Variants in GPR158 observed in about 807,000 individuals in gnomAD.
The protein encoded by GPR158 is G protein-coupled receptor 158.
GPR158 carries 30 observed loss-of-function variants against 78.2 expected under a neutral mutation model. That is an observed-to-expected ratio of 0.38 (90% CI 0.29 to 0.52). GPR158 has a LOEUF of 0.52. Among genes scored for constraint, GPR158 ranks in the 20% least tolerant of loss-of-function variants. The pLI is 0.83. For missense variants in GPR158, 1,463 were observed against 1,523.5 expected, an observed-to-expected ratio of 0.96 and a Z score of 0.66; for synonymous variants, 581 against 591.1, an observed-to-expected ratio of 0.98 and a Z score of 0.25.
intron 2 of GPR158, among the ~76,000 whole-genome samples, chr10:25,307,169 G>A (rs535648406): frequency 2.0e-5 from 3 of 152,000 alleles, no homozygotes; most frequent in Non-Finnish European, 4.4e-5. Context: ...GCTTCTTTCA[G>A]GTAGTCTTAT....
intron 2 of GPR158, among the ~76,000 whole-genome samples, chr10:25,381,602 G>A (rs548683124): frequency 5.3e-5 from 8 of 152,294 alleles, no homozygotes; most frequent in African/African-American, 1.9e-4. Context: ...CTTTAAATAG[G>A]AGGGACATGG....
intron 2 of GPR158, among the ~76,000 whole-genome samples, chr10:25,285,609 C>G (rs1854339707): frequency 6.6e-6 from 1 of 152,132 alleles, no homozygotes; most frequent in Non-Finnish European, 1.5e-5. Context: ...TTTGCCCTTC[C>G]TTTGTTTGTT....
intron 1 of GPR158, among the ~76,000 whole-genome samples, chr10:25,193,530 G>A (rs539172038): frequency 1.3e-5 from 2 of 152,198 alleles, no homozygotes; most frequent in Non-Finnish European, 2.9e-5. Flanking sequence ...GGGTAATGTG[G>A]TAGAAGATGA....
intron 5 of GPR158, among the ~76,000 whole-genome samples, chr10:25,535,558 T>C (rs1836487979): frequency 6.6e-6 from 1 of 152,206 alleles, no homozygotes; most frequent in Non-Finnish European, 1.5e-5. Flanking sequence ...AATGGCTTGA[T>C]TACAGATGTG....
At chr10:25,477,045 T>C (rs536026303) in intron 5 of GPR158, among the ~76,000 whole-genome samples, 3 of 152,198 alleles carry the variant, frequency 2.0e-5, no homozygotes, top group Non-Finnish European at 4.4e-5. Context: ...GTAGAACCTA[T>C]GTCAGTTAAG....
At chr10:25,323,394 T>C (rs530207578) in intron 2 of GPR158, among the ~76,000 whole-genome samples, 1 of 152,312 alleles carries the variant, frequency 6.6e-6, no homozygotes, top group Admixed American at 6.5e-5. Context: ...CTTGGAAACT[T>C]TGAAGCTAGG....
intron 7 of GPR158, among the ~76,000 whole-genome samples, chr10:25,575,245 A>T (rs1422270468): frequency 1.3e-5 from 2 of 152,320 alleles, no homozygotes; most frequent in East Asian, 3.9e-4. Context: ...AAGTTTATTG[A>T]AAAAGTCTTA....
chr10:25,433,364 G>T (rs1456465250), intron 4 of GPR158, among the ~76,000 whole-genome samples: 7 of 152,074 alleles, frequency 4.6e-5, no homozygotes, highest in Non-Finnish European at 1.0e-4. Context: ...CCTCATTCTT[G>T]CTGGATGCCT....
At chr10:25,510,193 T>C (rs778960816) in intron 5 of GPR158, among the ~76,000 whole-genome samples, 4 of 152,190 alleles carry the variant, frequency 2.6e-5, no homozygotes, top group Non-Finnish European at 5.9e-5. Context: ...TTCCACAGAG[T>C]TGGACGCTTG....
intron 1 of GPR158, among the ~76,000 whole-genome samples, chr10:25,199,664 G>A (rs1439143168): frequency 1.0e-5 from 1 of 99,926 alleles, no homozygotes; most frequent in African/African-American, 4.8e-5. Context: ...GTTTAACAGT[G>A]TTTGGCAGTT....
intron 4 of GPR158, among the ~76,000 whole-genome samples, chr10:25,428,736 G>T (rs1166528814): frequency 6.6e-6 from 1 of 151,932 alleles, no homozygotes; most frequent in Non-Finnish European, 1.5e-5. Context: ...CCTTATGGGG[G>T]TAAGAAGACA....
intron 2 of GPR158, among the ~76,000 whole-genome samples, chr10:25,317,872 G>A (rs989576134): frequency 3.3e-5 from 5 of 152,078 alleles, no homozygotes; most frequent in Non-Finnish European, 7.4e-5. Flanking sequence ...GGGATTACAG[G>A]CATGTGCCAC....
At chr10:25,371,374 A>G (rs1309738459) in intron 2 of GPR158, among the ~76,000 whole-genome samples, 1 of 151,630 alleles carries the variant, frequency 6.6e-6, no homozygotes, top group Non-Finnish European at 1.5e-5. Flanking sequence ...GTGGTGACAA[A>G]ATCTAAAGAG....
In GPR158 at chr10:25,596,660, T is replaced by G; in HGVS notation, c.2016T>G (p.Asn672Lys). 2 of 1,613,392 alleles carry G rather than the reference T, an allele frequency of 1.2e-6. No individual in the cohort carries two copies. Among genetic ancestry groups the G allele is most frequent in the East Asian group, 4.5e-5 (2 of 44,858 alleles). Residue 672 changes from asparagine to lysine, a missense_variant, in exon 10 of 11, where the codon AAT becomes AAG. Physicochemically the swap from Asn to Lys is moderately conservative, Grantham distance 94 (BLOSUM62 0). Coordinates refer to ENST00000376351, the MANE Select transcript of GPR158 (RefSeq NM_020752.3). ...TGTTTCAGTTTTCACATTCAAGCAA[T>G]AACCCACGAGATGATATTGCTACAG... ...LLIPKFSHSS[N>K]NPRDDIATEA... is the part of the protein sequence containing the mutation.
intron 5 of GPR158, among the ~76,000 whole-genome samples, chr10:25,525,394 T>C (rs1264423880): frequency 2.0e-5 from 3 of 152,166 alleles, no homozygotes; most frequent in Non-Finnish European, 4.4e-5. Flanking sequence ...CATTAACTGA[T>C]GAATGGATAA....
chr10:25,228,433 TG>T (rs1183223902), intron 2 of GPR158, among the ~76,000 whole-genome samples: 2 of 152,154 alleles, frequency 1.3e-5, no homozygotes, highest in African/African-American at 4.8e-5. Flanking sequence ...ATTGGGTAAG[TG>T]ACTTACAATG....
chr10:25,550,417 G>A (rs58303369), intron 5 of GPR158, among the ~76,000 whole-genome samples: 3,283 of 152,126 alleles, frequency 0.022, 111 homozygotes, highest in African/African-American at 0.075. Flanking sequence ...TGCAGTATAC[G>A]GCAATCTCAG....
intron 2 of GPR158, among the ~76,000 whole-genome samples, chr10:25,243,091 C>T (rs564567301): frequency 3.0e-4 from 45 of 152,354 alleles, no homozygotes; most frequent in South Asian, 1.0e-3. Flanking sequence ...CTTGCCACCA[C>T]GGCCCTTAAG....
At chr10:25,290,256 A>G (rs1041482550) in intron 2 of GPR158, among the ~76,000 whole-genome samples, 4 of 152,220 alleles carry the variant, frequency 2.6e-5, no homozygotes, top group Non-Finnish European at 4.4e-5. Flanking sequence ...TCCGTATACT[A>G]TCTCTGATTT....
Sources: allele counts gnomAD v4.1 joint callset (sites outside exome capture counted in the v4.1 genomes callset), GRCh38; gene constraint gnomAD v4.1.1; transcripts MANE v1.5; gene names NCBI Gene and HGNC (gene_info 2026-07-23, HGNC 2026-07-21).